KRT80: variants seen among roughly 807,000 people sequenced by gnomAD.
The protein encoded by KRT80 is keratin 80.
Under a neutral mutation model 51.5 loss-of-function variants are expected in KRT80, and 36 were observed. The observed-to-expected ratio is 0.70, with a 90% CI of 0.54 to 0.92. The LOEUF (loss-of-function observed/expected upper bound fraction) is 0.92. Ranked by LOEUF, KRT80 falls within the 40% of genes least tolerant of loss-of-function variation. KRT80 has a pLI of 0.00. For synonymous variants in KRT80, 235 were observed against 248.3 expected (o/e 0.95, Z 0.50); for missense variants, 566 against 591.7 (o/e 0.96, Z 0.45).
intron 4 of KRT80, 136 bp from the exon 5 acceptor site, chr12:52,173,900 A>G (rs1208959325): frequency 5.6e-6 from 5 of 885,838 alleles, no homozygotes; most frequent in Non-Finnish European, 6.7e-6. Context: ...GAGATGATGG[A>G]AGGCCGAATG....
At chr12:52,177,483 C>T (rs1941247818) in intron 4 of KRT80, among the ~76,000 whole-genome samples, 1 of 152,120 alleles carries the variant, frequency 6.6e-6, no homozygotes, top group African/African-American at 2.4e-5. Flanking sequence ...CACTTGGGAG[C>T]TGGACTGTGT....
chr12:52,183,055 C>T (rs1185418028), intron 2 of KRT80, among the ~76,000 whole-genome samples: 2 of 152,234 alleles, frequency 1.3e-5, no homozygotes, highest in Non-Finnish European at 2.9e-5. Flanking sequence ...GAATCATGCA[C>T]ACTTGTGCAG....
At position 52,191,698 on chromosome 12, in the gene KRT80, C is replaced by G; in HGVS notation, c.205G>C (p.Asp69His). ...TGAACAGCGGGGTCCAACTTGACAT[C>G]CAGGGGCACCAGCAGGCCGGGGTTC... is the stretch of plus-strand genomic sequence containing the variant. ...TVNPGLLVPL[D>H]VKLDPAVQQL... The change falls in exon 1 of 9, where the codon GAT (aspartate) becomes CAT (histidine). Residue 69 changes from aspartate (D) to histidine (H), a missense_variant. Coordinates refer to ENST00000394815, the MANE Select transcript of KRT80 (RefSeq NM_182507.3). The G allele has an allele frequency of 6.2e-7, 1 of 1,613,834 alleles. No individual in the cohort carries two copies. Among genetic ancestry groups the G allele is most frequent in the Non-Finnish European group, 8.5e-7 (1 of 1,179,858 alleles).
intron 2 of KRT80, among the ~76,000 whole-genome samples, chr12:52,185,166 T>G (rs999848949): frequency 1.3e-5 from 2 of 152,130 alleles, no homozygotes; most frequent in Non-Finnish European, 2.9e-5. Flanking sequence ...GTTTTAAGGG[T>G]TGCTATTAGG....
chr12:52,177,323 G>A (rs1301151750), intron 4 of KRT80, among the ~76,000 whole-genome samples: 1 of 152,200 alleles, frequency 6.6e-6, no homozygotes, highest in African/African-American at 2.4e-5. Flanking sequence ...AGTTTAGGCA[G>A]CACTGGCTTT....
chr12:52,190,403 C>T (rs1479813837), intron 1 of KRT80, among the ~76,000 whole-genome samples: 1 of 152,238 alleles, frequency 6.6e-6, no homozygotes, highest in Non-Finnish European at 1.5e-5. Flanking sequence ...GCTTGAATTT[C>T]ATTGCATTTG....
In KRT80 at chr12:52,169,794, C is replaced by G. The variant is rs181280987; in HGVS notation, c.*1604G>C. Reference sequence around the variant, plus strand: ...GAAGAGCCTGAGGAAAAGCACCAATCAGCACCCTCTTTTGGGACTTTGGGG... The same window carrying G: ...GAAGAGCCTGAGGAAAAGCACCAATGAGCACCCTCTTTTGGGACTTTGGGG... On this transcript the variant is annotated 3_prime_UTR_variant, in exon 9 of 9. Transcript: ENST00000394815. The G allele has an allele frequency of 2.0e-5, 3 of 152,396 alleles. No individual in the cohort carries two copies. In the East Asian group the frequency reaches 5.8e-4, roughly 29 times the overall value. The allele number at this position is 152,396 out of a possible 1,614,324, so 9.4% of individuals were successfully genotyped here. A position where few individuals can be genotyped will look rare whatever the true frequency, so the allele number is the denominator to read the frequency against.
intron 2 of KRT80, among the ~76,000 whole-genome samples, chr12:52,182,629 C>G (rs1424126993): frequency 6.6e-6 from 1 of 152,246 alleles, no homozygotes; most frequent in African/African-American, 2.4e-5. Flanking sequence ...AGGTGCCTCT[C>G]TGCCACTCAC....
chr12:52,177,145 T>C (rs763020207), intron 4 of KRT80, among the ~76,000 whole-genome samples: 4 of 152,224 alleles, frequency 2.6e-5, no homozygotes, highest in Non-Finnish European at 4.4e-5. Context: ...TCGTGAGAAT[T>C]AACTGAGATT....
At chr12:52,178,329 A>C (rs1028989352) in intron 4 of KRT80, among the ~76,000 whole-genome samples, 1 of 152,116 alleles carries the variant, frequency 6.6e-6, no homozygotes, top group Non-Finnish European at 1.5e-5. Context: ...TCGTGAGACA[A>C]CCCTGTGAGG....
rs780192875 is a variant in KRT80, at chr12:52,185,429, C to T, written c.459G>A (p.Leu153=). ...LRKVSQERGQ[L]EANLLQVLEK... is the part of the protein sequence containing the mutation. ...CCAGCACCTGCAGCAGGTTGGCCTC[C>T]AGCTGCCCCCGCTCCTGGCTCACTT... Residue 153 remains leucine (L), a synonymous_variant, in exon 2 of 9, where the codon CTG becomes CTA. Transcript: ENST00000394815. 3.7e-6 allele frequency: 6 copies of T among 1,613,938 alleles called. No individual in the cohort carries two copies. The highest frequency in any genetic ancestry group is 5.1e-6 in the Non-Finnish European group (6 of 1,180,020).
At position 52,191,932 on chromosome 12, in the gene KRT80, A is replaced by AG. The variant is rs771398915; in HGVS notation, c.-31dup. ...CCCCCGGCCGGAAGCAGGAGGGCCC[A>AG]GGGGGGTGAGCGAGTGAGCCTGGGG... is the stretch of plus-strand genomic sequence containing the variant. On this transcript the variant is annotated 5_prime_UTR_variant, in exon 1 of 9. Coordinates refer to ENST00000394815, the MANE Select transcript of KRT80 (RefSeq NM_182507.3). 25 of 1,441,144 alleles carry AG rather than the reference A, an allele frequency of 1.7e-5. No homozygotes were observed. Among genetic ancestry groups the AG allele is most frequent in the Non-Finnish European group, 2.2e-5 (24 of 1,097,696 alleles). The allele number at this position is 1,441,144 out of a possible 1,614,324, so 89.3% of individuals were successfully genotyped here. A position where few individuals can be genotyped will look rare whatever the true frequency, so the allele number is the denominator to read the frequency against.
chr12:52,169,318 T>G lies in KRT80; in HGVS notation c.*2080A>C, dbSNP rs999340541. 6.6e-6 allele frequency: 1 copy of G among 152,268 alleles called. No homozygotes were observed. Among genetic ancestry groups the G allele is most frequent in the African/African-American group, 2.4e-5 (1 of 41,446 alleles). 9.4% of individuals were successfully genotyped at this position (152,268 alleles called of 1,614,324 possible). ...CAACACTGGGAATTACATTTCAACA[T>G]GAGATTTGGAGGGGACGAGCATCCA... On this transcript the variant is annotated 3_prime_UTR_variant, in exon 9 of 9. Transcript: ENST00000394815.
In KRT80 at chr12:52,172,306, T is replaced by C. The variant is rs939553371; in HGVS notation, c.1070A>G (p.Gln357Arg). 1.2e-6 allele frequency: 2 copies of C among 1,614,112 alleles called. No homozygotes were observed. The highest frequency in any genetic ancestry group is 2.7e-5 in the African/African-American group (2 of 74,954). ...CTTGCGCAGCTGCCGCGCCATGTCCTGCTTGGCCTGCTGCAGGGCGGCCTC... is the reference window on the plus strand; with the variant it reads ...CTTGCGCAGCTGCCGCGCCATGTCCCGCTTGGCCTGCTGCAGGGCGGCCTC... ...QLEAALQQAK[Q>R]DMARQLRKYQ... The change falls in exon 7 of 9, where the codon CAG becomes CGG. Residue 357 changes from glutamine to arginine, a missense_variant. Gln to Arg is a conservative substitution (Grantham distance 43). Transcript: ENST00000394815.
At chr12:52,178,043 C>A (rs1364001880) in intron 4 of KRT80, among the ~76,000 whole-genome samples, 1 of 152,052 alleles carries the variant, frequency 6.6e-6, no homozygotes. Flanking sequence ...CTTAAGACAC[C>A]CTCTGGTGTG....
intron 4 of KRT80, among the ~76,000 whole-genome samples, chr12:52,176,473 C>T (rs9669059): frequency 0.057 from 8,401 of 147,502 alleles, 784 homozygotes; most frequent in African/African-American, 0.2. Context: ...ATCACTTCTT[C>T]TTCTTCTTCT....
rs374763773 is a variant in KRT80 at position 52,172,209 on chromosome 12, G to A, written c.1167C>T (p.Gly389=). The change falls in exon 7 of 9, where the codon GGC becomes GGT. Residue 389 remains glycine (G), a synonymous_variant. Coordinates refer to ENST00000394815, the MANE Select transcript of KRT80 (RefSeq NM_182507.3). ...EIATYRKLVE[G]EEGRMDSPSA... ...GCCCTGGCTCTCACCTGCCCTCCTC[G>A]CCCTCCACCAGCTTCCTGTAGGTGG... 3.8e-5 allele frequency: 62 copies of A among 1,613,424 alleles called. No individual in the cohort carries two copies. The highest frequency in any genetic ancestry group is 6.7e-5 in the African/African-American group (5 of 74,902).
intron 2 of KRT80, among the ~76,000 whole-genome samples, chr12:52,185,151 A>C (rs1434151666): frequency 1.3e-5 from 2 of 152,130 alleles, no homozygotes; most frequent in East Asian, 3.8e-4. Flanking sequence ...CACAAGATTG[A>C]CTTTGTTTTA....
rs139622526 is a variant in KRT80 at position 52,171,473 on chromosome 12, G to A, written c.1284C>T (p.Gly428=). The A allele has an allele frequency of 2.7e-4, 430 of 1,613,444 alleles. 4 individuals are homozygous for A. The highest frequency in any genetic ancestry group is 2.2e-3 in the Admixed American group (131 of 59,946). The change falls in exon 9 of 9, where the codon GGC becomes GGT. Residue 428 remains glycine, a synonymous_variant. Transcript: ENST00000394815. ...TGATTTTGATCACGGGGCCTTTGCT[G>A]CCCTTCTTCTTTCGGGAGGGGGCCT... The part of the protein sequence containing the change: ...LSKAPSRKKK[G]SKGPVIKITE...
Sources: allele counts gnomAD v4.1 joint callset (sites outside exome capture counted in the v4.1 genomes callset), GRCh38; gene constraint gnomAD v4.1.1; transcripts MANE v1.5; gene names NCBI Gene and HGNC (gene_info 2026-07-23, HGNC 2026-07-21).